The following DUXA variants were observed in gnomAD, a reference collection of about 807,000 sequenced individuals.
DUXA encodes the protein double homeobox protein A.
Under a neutral mutation model 27.5 loss-of-function variants are expected in DUXA, and 25 were observed. The ratio of observed to expected loss-of-function variants is 0.91; its 90% CI spans 0.66 to 1.27. The LOEUF (loss-of-function observed/expected upper bound fraction) is 1.27. DUXA is among the 50% of genes most tolerant of loss of function. The probability of loss-of-function intolerance (pLI) is 0.00; values close to 1 mark genes in which losing one functional copy is unlikely to be tolerated. For missense variants in DUXA, 247 were observed against 242.9 expected, an observed-to-expected ratio of 1.02 and a Z score of -0.11; for synonymous variants, 90 against 80.5, an observed-to-expected ratio of 1.12 and a Z score of -0.63.
rs969999802 is a variant in DUXA, at chr19:57,154,353, AC to A, written c.*58del. ...AGCAGAAGGATAGACTCCCAGGAAGACCGTGAGACAGATTTGGGGTCCAGTT... is the reference window on the plus strand; with the variant it reads ...AGCAGAAGGATAGACTCCCAGGAAGACGTGAGACAGATTTGGGGTCCAGTT... On this transcript the variant is annotated 3_prime_UTR_variant, in exon 6 of 6. Coordinates refer to ENST00000554048, the MANE Select transcript of DUXA (RefSeq NM_001012729.2). 26 of 1,489,688 alleles carry A rather than the reference AC, an allele frequency of 1.7e-5. No individual in the cohort carries two copies. In the African/African-American group the frequency reaches 3.5e-4, roughly 20 times the overall value. The allele number at this position is 1,489,688 out of a possible 1,614,324, so 92.3% of individuals were successfully genotyped here. A position where few individuals can be genotyped will look rare whatever the true frequency, so the allele number is the denominator to read the frequency against.
intron 2 of DUXA, among the ~76,000 whole-genome samples, chr19:57,159,965 C>T (rs2087011980): frequency 6.6e-6 from 1 of 152,050 alleles, no homozygotes; most frequent in African/African-American, 2.4e-5. Context: ...ATTAGCTGAT[C>T]ATGGCGGCAG....
Position 57,156,186 on chromosome 19 carries a change from C to T in DUXA, c.439-814G>A, listed in dbSNP as rs73939149. 7.9e-3 allele frequency among the ~76,000 whole-genome samples: 1,205 copies of T among 152,094 alleles called. 17 individuals carry two copies. Among genetic ancestry groups the T allele is most frequent in the African/African-American group, 0.027 (1,134 of 41,464 alleles). ...TTTTTTTTTCTATCTCTTTTTCTTC[C>T]CCTCAGAAATGCCCATTTTACTTCC... On this transcript the variant is annotated intron_variant, in intron 4 of 5. Coordinates refer to ENST00000554048, the MANE Select transcript of DUXA (RefSeq NM_001012729.2).
intron 5 of DUXA, among the ~76,000 whole-genome samples, chr19:57,154,780 G>C (rs1180955679): frequency 6.6e-6 from 1 of 151,962 alleles, no homozygotes; most frequent in Non-Finnish European, 1.5e-5. Flanking sequence ...AGCCAGGATG[G>C]TCTCGATCTC....
chr19:57,159,896 T>A (rs1255256847), intron 2 of DUXA, among the ~76,000 whole-genome samples: 1 of 147,862 alleles, frequency 6.8e-6, no homozygotes, highest in Non-Finnish European at 1.5e-5. Context: ...AGGTCAGGAG[T>A]TCAAGACCAG....
At chr19:57,157,131 C>T (rs960586943) in intron 4 of DUXA, among the ~76,000 whole-genome samples, 35 of 152,088 alleles carry the variant, frequency 2.3e-4, no homozygotes, top group African/African-American at 8.2e-4. Flanking sequence ...GAACACGAGA[C>T]GAGGAAAGTA....
At chr19:57,162,056 A>G (rs2087026857) in intron 1 of DUXA, among the ~76,000 whole-genome samples, 1 of 151,910 alleles carries the variant, frequency 6.6e-6, no homozygotes, top group Non-Finnish European at 1.5e-5. Context: ...ACACCCAGCT[A>G]ATTTTTCTAC....
chr19:57,154,602 CG>C, intron 5 of DUXA, 120 bp from the exon 6 acceptor site: 1 of 768,050 alleles, frequency 1.3e-6, no homozygotes, highest in Non-Finnish European at 2.0e-6. Flanking sequence ...CTCACTTTGT[CG>C]CCCAGGCTGG....
intron 1 of DUXA, among the ~76,000 whole-genome samples, chr19:57,165,679 T>C (rs989856380): frequency 6.0e-5 from 9 of 150,892 alleles, no homozygotes; most frequent in Non-Finnish European, 7.4e-5. Flanking sequence ...GTGGCGGGCG[T>C]CTGTAGTCCC....
In DUXA at chr19:57,159,267, C is replaced by T; in HGVS notation, c.192G>A (p.Gln64=). The T allele has an allele frequency of 1.9e-6, 3 of 1,613,710 alleles. No homozygotes were observed. Among genetic ancestry groups the T allele is most frequent in the Non-Finnish European group, 2.5e-6 (3 of 1,179,900 alleles). Residue 64 remains glutamine, a synonymous_variant, in exon 3 of 6, where the codon CAG becomes CAA. Coordinates refer to ENST00000554048, the MANE Select transcript of DUXA (RefSeq NM_001012729.2). ...GGAATCCGTGCCTAGCTCTTCGATT[C>T]TGAAACCAAATCTAAGTGAGGAAAA... ...TEESRIQIWF[Q]NRRARHGFQK...
Position 57,158,388 on chromosome 19 carries a change from A to T in DUXA, c.378T>A (p.Pro126=). The change falls in exon 4 of 6, where the codon CCT becomes CCA. Residue 126 remains proline, a synonymous_variant. Coordinates refer to ENST00000554048, the MANE Select transcript of DUXA (RefSeq NM_001012729.2). ...LIKAFMKNPY[P]GIDSREELAK... ...CAAGTTCTTCTCTGGAATCAATCCC[A>T]GGATATGGGTTTTTCATAAATGCCT... The T allele has an allele frequency of 1.2e-6, 2 of 1,613,282 alleles. No individual in the cohort carries two copies. The highest frequency in any genetic ancestry group is 1.7e-6 in the Non-Finnish European group (2 of 1,180,032).
chr19:57,164,965 T>G (rs1251569374), intron 1 of DUXA, among the ~76,000 whole-genome samples: 1 of 152,170 alleles, frequency 6.6e-6, no homozygotes, highest in East Asian at 1.9e-4. Context: ...TGGTTTGATG[T>G]CCTCTGAGGT....
chr19:57,160,328 A>G (rs10407377), intron 2 of DUXA, among the ~76,000 whole-genome samples: 76,006 of 152,140 alleles, frequency 0.5, 19,625 homozygotes, highest in South Asian at 0.59. Context: ...TGCTGCCAAC[A>G]TGATTTGCTC....
Position 57,155,293 on chromosome 19 carries a change from T to C in DUXA, c.518A>G (p.Gln173Arg). 6.2e-7 allele frequency: 1 copy of C among 1,614,208 alleles called. No individual in the cohort carries two copies. The highest frequency in any genetic ancestry group is 8.5e-7 in the Non-Finnish European group (1 of 1,180,024). ...EPVASLEQEE[Q>R]GKIPEGLQGA... ...TTGCAGTCCCTCAGGAATCTTGCCC[T>C]GCTCTTCTTGTTCTAAGGACGCCAC... The change falls in exon 5 of 6, where the codon CAG becomes CGG. Residue 173 changes from glutamine to arginine, a missense_variant. Transcript: ENST00000554048.
At position 57,155,343 on chromosome 19, in the gene DUXA, T is replaced by C. The variant is rs1210809787; in HGVS notation, c.468A>G (p.Leu156=). 6.2e-7 allele frequency: 1 copy of C among 1,614,178 alleles called. No individual in the cohort carries two copies. Among genetic ancestry groups the C allele is most frequent in the Non-Finnish European group, 8.5e-7 (1 of 1,180,016 alleles). The part of the protein sequence containing the change: ...QIWFQNRRSR[L]LLQRKREPVA... ...CAGGTTCCCTTTTTCTCTGGAGAAG[T>C]AATCTAGATCTTCGATTTTGGAACC... is the stretch of plus-strand genomic sequence containing the variant. Residue 156 remains leucine (L), a synonymous_variant, in exon 5 of 6, where the codon TTA becomes TTG. Coordinates refer to ENST00000554048, the MANE Select transcript of DUXA (RefSeq NM_001012729.2).
At chr19:57,166,562 C>G (rs2087056131) in intron 1 of DUXA, among the ~76,000 whole-genome samples, 1 of 152,206 alleles carries the variant, frequency 6.6e-6, no homozygotes, top group Admixed American at 6.5e-5. Context: ...CCCACCGCGG[C>G]CTCCCAAAGT....
Position 57,158,483 on chromosome 19 carries a change from G to A in DUXA, c.293-10C>T, listed in dbSNP as rs772603348. ...CGTCTGGCTTCTCTACCTAGGGAAG[G>A]CATGGAAAGATGGAGGGGGGCGGTC... On this transcript the variant is annotated splice_polypyrimidine_tract_variant and intron_variant, in intron 3 of 5. Coordinates refer to ENST00000554048, the MANE Select transcript of DUXA (RefSeq NM_001012729.2). 6.2e-7 allele frequency: 1 copy of A among 1,608,840 alleles called. No individual in the cohort carries two copies. The highest frequency in any genetic ancestry group is 8.5e-7 in the Non-Finnish European group (1 of 1,175,738).
intron 1 of DUXA, among the ~76,000 whole-genome samples, chr19:57,163,931 T>C (rs1020528905): frequency 6.6e-6 from 1 of 152,168 alleles, no homozygotes; most frequent in African/African-American, 2.4e-5. Context: ...AATAACAGTT[T>C]AGACTGGGCG....
chr19:57,158,553 C>T, intron 3 of DUXA, 80 bp from the exon 4 acceptor site: 1 of 1,524,862 alleles, frequency 6.6e-7, no homozygotes, highest in Non-Finnish European at 8.9e-7. Flanking sequence ...ACACAGAACC[C>T]AAACTTGTCA....
Position 57,160,759 on chromosome 19 carries a change from A to G in DUXA, c.64T>C (p.Phe22Leu). 1 of 1,614,146 alleles carries G rather than the reference A, an allele frequency of 6.2e-7. No individual in the cohort carries two copies. Among genetic ancestry groups the G allele is most frequent in the Middle Eastern group, 1.7e-4 (1 of 6,060 alleles). ...KTNHRRCRTK[F>L]TEEQLKILIN... Reference sequence around the variant, plus strand: ...AGGATTTTCAACTGTTCTTCTGTGAATTTTGTGCGACAGCGCCTATGATTT... The same window carrying G: ...AGGATTTTCAACTGTTCTTCTGTGAGTTTTGTGCGACAGCGCCTATGATTT... Residue 22 changes from phenylalanine to leucine, a missense_variant, in exon 2 of 6, where the codon TTC becomes CTC. Coordinates refer to ENST00000554048, the MANE Select transcript of DUXA (RefSeq NM_001012729.2).
Sources: allele counts gnomAD v4.1 joint callset (sites outside exome capture counted in the v4.1 genomes callset), GRCh38; gene constraint gnomAD v4.1.1; transcripts MANE v1.5; gene names NCBI Gene and HGNC (gene_info 2026-07-23, HGNC 2026-07-21).